PPP3CB: variants seen among roughly 807,000 people sequenced by gnomAD.
PPP3CB encodes the protein serine/threonine-protein phosphatase 2B catalytic subunit beta isoform.
In PPP3CB, 8 loss-of-function variants were observed where a neutral mutation model predicts 66.4. The observed-to-expected ratio is 0.12, with a 90% CI of 0.07 to 0.22. The LOEUF (loss-of-function observed/expected upper bound fraction) is 0.22, where lower values mean the gene tolerates loss of function less well. PPP3CB is among the 10% of genes least tolerant of loss of function. The pLI is 1.00. For synonymous variants in PPP3CB, 208 were observed against 221.2 expected, an observed-to-expected ratio of 0.94 and a Z score of 0.53; for missense variants, 319 against 642.5, an observed-to-expected ratio of 0.50 and a Z score of 5.44.
chr10:73,470,845 T>C, intron 7 of PPP3CB, 42 bp downstream of exon 7: 3 of 1,592,214 alleles, frequency 1.9e-6, no homozygotes, highest in Non-Finnish European at 1.7e-6. Flanking sequence ...GTTTGATTTA[T>C]ATTTTAGGTG....
chr10:73,479,521 CA>C lies in PPP3CB; in HGVS notation c.86-5del. On this transcript the variant is annotated splice_polypyrimidine_tract_variant and splice_region_variant and intron_variant, in intron 1 of 13. Transcript: ENST00000360663. Reference sequence around the variant, plus strand: ...TGTGTTGGGGGGAAAGGGACAGCTGCAAATGTTTTTAATTAATAAAAGATAA... The same window carrying C: ...TGTGTTGGGGGGAAAGGGACAGCTGCAATGTTTTTAATTAATAAAAGATAA... 6.2e-7 allele frequency: 1 copy of C among 1,609,354 alleles called. No homozygotes were observed. Among genetic ancestry groups the C allele is most frequent in the Non-Finnish European group, 8.5e-7 (1 of 1,177,624 alleles).
chr10:73,477,990 T>C (rs1454729390), intron 3 of PPP3CB, among the ~76,000 whole-genome samples: 34 of 152,158 alleles, frequency 2.2e-4, no homozygotes, highest in Non-Finnish European at 1.0e-4. Flanking sequence ...CAAAAGGTCA[T>C]TTTAATGCCT....
chr10:73,445,126 G>A (rs1274384627), intron 11 of PPP3CB, among the ~76,000 whole-genome samples: 1 of 152,128 alleles, frequency 6.6e-6, no homozygotes, highest in Non-Finnish European at 1.5e-5. Flanking sequence ...AAGTTCAAAT[G>A]TCTGATGTAG....
At chr10:73,494,389 G>C (rs147395253) in intron 1 of PPP3CB, among the ~76,000 whole-genome samples, 3 of 152,286 alleles carry the variant, frequency 2.0e-5, no homozygotes, top group Non-Finnish European at 4.4e-5. Context: ...TCGGGCTCCA[G>C]TGATTCTCGT....
At chr10:73,485,528 G>A (rs1250396005) in intron 1 of PPP3CB, among the ~76,000 whole-genome samples, 1 of 152,140 alleles carries the variant, frequency 6.6e-6, no homozygotes, top group African/African-American at 2.4e-5. Context: ...GATGCCTAAG[G>A]TCAGTTAATC....
At chr10:73,463,384 A>G (rs1393858474) in intron 9 of PPP3CB, among the ~76,000 whole-genome samples, 1 of 152,222 alleles carries the variant, frequency 6.6e-6, no homozygotes, top group Non-Finnish European at 1.5e-5. Context: ...CATTTATCAA[A>G]GTTCCAACTT....
chr10:73,445,769 G>C (rs1455580813), intron 11 of PPP3CB, among the ~76,000 whole-genome samples: 1 of 135,528 alleles, frequency 7.4e-6, no homozygotes, highest in African/African-American at 2.8e-5. Flanking sequence ...TTTTTTCTGA[G>C]ACAGAGTCTC....
chr10:73,448,059 G>A (rs115397053), intron 10 of PPP3CB, among the ~76,000 whole-genome samples: 1 of 152,158 alleles, frequency 6.6e-6, no homozygotes, highest in Admixed American at 6.5e-5. Flanking sequence ...AGGTAAGTCT[G>A]ATTCTCTTCT....
In PPP3CB at chr10:73,473,366, AAGGC is replaced by A. The variant is rs1300968055; in HGVS notation, c.523+1549_523+1552del. ...CATAAATATTAACTTAAAAAGCACAAAGGCAGGCCAGATGCGGTGGTTCACACCT... is the reference window on the plus strand; with the variant it reads ...CATAAATATTAACTTAAAAAGCACAAAGGCCAGATGCGGTGGTTCACACCT... On this transcript the variant is annotated intron_variant, in intron 4 of 13. Coordinates refer to ENST00000360663, the MANE Select transcript of PPP3CB (RefSeq NM_021132.4). Among the ~76,000 whole-genome samples the A allele has an allele frequency of 3.3e-5, 5 of 152,290 alleles. No homozygotes were observed. In the East Asian group the frequency reaches 9.6e-4, roughly 29 times the overall value.
intron 4 of PPP3CB, 59 bp downstream of exon 4, chr10:73,474,860 C>A: frequency 6.3e-7 from 1 of 1,588,620 alleles, no homozygotes; most frequent in East Asian, 2.3e-5. Flanking sequence ...ACTCTTACTA[C>A]CCACTTAAGT....
At chr10:73,458,997 G>C (rs558311825) in intron 9 of PPP3CB, among the ~76,000 whole-genome samples, 24 of 152,076 alleles carry the variant, frequency 1.6e-4, no homozygotes, top group African/African-American at 5.1e-4. Flanking sequence ...TTGAACCCAG[G>C]AGGCAGAGGT....
intron 3 of PPP3CB, among the ~76,000 whole-genome samples, chr10:73,476,736 C>T (rs1032549565): frequency 2.6e-5 from 4 of 151,962 alleles, no homozygotes; most frequent in Non-Finnish European, 4.4e-5. Context: ...TGGTCAAATG[C>T]CTGAAATTTT....
At chr10:73,458,135 A>G (rs1228097638) in intron 9 of PPP3CB, among the ~76,000 whole-genome samples, 3 of 152,114 alleles carry the variant, frequency 2.0e-5, no homozygotes, top group Non-Finnish European at 2.9e-5. Context: ...CAACAAAAAA[A>G]TGTTTTGTTT....
chr10:73,441,702 T>C (rs1366947554), intron 12 of PPP3CB, among the ~76,000 whole-genome samples: 3 of 152,188 alleles, frequency 2.0e-5, no homozygotes, highest in Non-Finnish European at 2.9e-5. Context: ...ATTACTAACA[T>C]AGAATTGGCC....
chr10:73,489,046 T>G (rs2057031952), intron 1 of PPP3CB, among the ~76,000 whole-genome samples: 1 of 152,200 alleles, frequency 6.6e-6, no homozygotes, highest in Non-Finnish European at 1.5e-5. Flanking sequence ...TCTTCTCAAT[T>G]TAACCATTCT....
At chr10:73,485,950 G>GTGTGTATA (rs58404946) in intron 1 of PPP3CB, among the ~76,000 whole-genome samples, 1 of 124,638 alleles carries the variant, frequency 8.0e-6, no homozygotes, top group African/African-American at 3.0e-5. Flanking sequence ...GTGTGTGTGT[G>GTGTGTATA]TATTTTTTTT....
Position 73,475,130 on chromosome 10 carries a change from A to G in PPP3CB, c.412-100T>C, listed in dbSNP as rs1046733286. ...TCCTCTACTACCCTTACCATCCTCT[A>G]TTATCTTTCTTTGTCCCTTACTAAA... is the stretch of plus-strand genomic sequence containing the variant. On this transcript the variant is annotated intron_variant, in intron 3 of 13. Transcript: ENST00000360663. The G allele has an allele frequency of 6.5e-6, 9 of 1,384,168 alleles. No individual in the cohort carries two copies. In the Admixed American group the frequency reaches 2.6e-4, roughly 41 times the overall value. 85.7% of individuals were successfully genotyped at this position (1,384,168 alleles called of 1,614,324 possible).
intron 9 of PPP3CB, among the ~76,000 whole-genome samples, chr10:73,456,678 C>G (rs569938885): frequency 6.6e-5 from 10 of 152,208 alleles, no homozygotes; most frequent in African/African-American, 2.2e-4. Flanking sequence ...CTGCACATCA[C>G]ATGCAAAAAT....
chr10:73,443,326 A>AAGAAAG (rs2056192150), intron 12 of PPP3CB, among the ~76,000 whole-genome samples: 1 of 148,610 alleles, frequency 6.7e-6, no homozygotes, highest in Admixed American at 6.6e-5. Flanking sequence ...GAAAGAAAGA[A>AAGAAAG]AGAAAAAGAA....
Sources: gnomAD v4.1 joint callset for allele counts (sites outside exome capture counted in the v4.1 genomes callset) on GRCh38, gnomAD v4.1.1 for gene constraint, MANE v1.5 for transcripts, NCBI Gene and HGNC (gene_info 2026-07-23, HGNC 2026-07-21) for gene names.